TANC2: variants seen among roughly 807,000 people sequenced by gnomAD.
The protein encoded by TANC2 is tetratricopeptide repeat, ankyrin repeat and coiled-coil containing 2, also known as protein TANC2.
TANC2 carries 26 observed loss-of-function variants against 210.5 expected under a neutral mutation model. That is an observed-to-expected ratio of 0.12 (90% CI 0.09 to 0.17). The LOEUF (loss-of-function observed/expected upper bound fraction) is 0.17, where lower values mean the gene tolerates loss of function less well. TANC2 is among the 10% of genes least tolerant of loss of function. The pLI is 1.00. For missense variants in TANC2, 2,129 were observed against 2,608.9 expected, an observed-to-expected ratio of 0.82 and a Z score of 4.01; for synonymous variants, 931 against 967.1, an observed-to-expected ratio of 0.96 and a Z score of 0.69.
chr17:63,350,851 ATTCTC>A (rs778225884), intron 12 of TANC2, among the ~76,000 whole-genome samples: 16 of 143,548 alleles, frequency 1.1e-4, no homozygotes, highest in Non-Finnish European at 2.1e-4. Context: ...ATATGATACT[ATTCTC>A]TTTAATGCTG....
chr17:63,081,943 A>G (rs892596611), intron 3 of TANC2, among the ~76,000 whole-genome samples: 3 of 152,140 alleles, frequency 2.0e-5, no homozygotes, highest in African/African-American at 7.2e-5. Context: ...AGGCGGGTGG[A>G]TCACGAGATC....
At chr17:63,204,982 G>A (rs1234689496) in intron 7 of TANC2, among the ~76,000 whole-genome samples, 1 of 152,120 alleles carries the variant, frequency 6.6e-6, no homozygotes, top group Non-Finnish European at 1.5e-5. Context: ...CTACTGGGGA[G>A]GCTGAGGCAG....
chr17:63,379,957 C>A (rs2047552178), intron 15 of TANC2, 131 bp downstream of exon 15: 2 of 672,966 alleles, frequency 3.0e-6, no homozygotes, highest in East Asian at 2.8e-5. Context: ...CATCTCCCAA[C>A]ACGTATGGCC....
intron 8 of TANC2, among the ~76,000 whole-genome samples, chr17:63,243,411 TA>T (rs2042830142): frequency 6.6e-6 from 1 of 152,150 alleles, no homozygotes; most frequent in Non-Finnish European, 1.5e-5. Context: ...ACAGATAAAA[TA>T]AAGTTTTATC....
chr17:63,173,974 C>T (rs2040495142), intron 5 of TANC2, among the ~76,000 whole-genome samples: 1 of 152,158 alleles, frequency 6.6e-6, no homozygotes, highest in Non-Finnish European at 1.5e-5. Context: ...TCTACAAGTT[C>T]TTTCTTTTAC....
chr17:63,363,681 T>A (rs2047028893), intron 14 of TANC2, among the ~76,000 whole-genome samples: 1 of 152,222 alleles, frequency 6.6e-6, no homozygotes, highest in Admixed American at 6.5e-5. Context: ...GATGTATGAA[T>A]TTATTTCTAG....
chr17:63,284,913 T>C (rs1181966742), intron 9 of TANC2, among the ~76,000 whole-genome samples: 2 of 152,134 alleles, frequency 1.3e-5, no homozygotes, highest in African/African-American at 4.8e-5. Context: ...AGCTTTGTTA[T>C]TAGAGCGTGT....
exon 26 of TANC2, chr17:63,415,638 C>T: frequency 6.2e-7 from 1 of 1,613,850 alleles, no homozygotes; most frequent in South Asian, 1.1e-5. Flanking sequence ...AGGTGTCTCT[C>T]CTCCTCAACC....
intron 4 of TANC2, among the ~76,000 whole-genome samples, chr17:63,120,158 A>G (rs933261595): frequency 4.6e-5 from 7 of 151,948 alleles, no homozygotes; most frequent in African/African-American, 1.4e-4. Context: ...TCTTGACCAT[A>G]TCCTTTGGTA....
intron 2 of TANC2, among the ~76,000 whole-genome samples, chr17:63,065,253 A>G (rs1467252419): frequency 6.6e-6 from 1 of 152,256 alleles, no homozygotes; most frequent in Non-Finnish European, 1.5e-5. Flanking sequence ...GAATAGTATT[A>G]CATTGTGTAT....
chr17:63,072,937 C>T (rs1022136431), intron 2 of TANC2, among the ~76,000 whole-genome samples: 3 of 152,036 alleles, frequency 2.0e-5, no homozygotes, highest in Admixed American at 6.6e-5. Flanking sequence ...TGTTACTACA[C>T]GAGCTCTATT....
chr17:63,015,495 G>GTTC (rs2034067285), intron 2 of TANC2, among the ~76,000 whole-genome samples: 1 of 151,862 alleles, frequency 6.6e-6, no homozygotes, highest in Non-Finnish European at 1.5e-5. Context: ...AGGCCCCAGT[G>GTTC]TGTGATGTTC....
At chr17:63,347,832 T>G (rs901996269) in intron 12 of TANC2, among the ~76,000 whole-genome samples, 1 of 152,210 alleles carries the variant, frequency 6.6e-6, no homozygotes. Context: ...TGGAGTACAG[T>G]GGCAAGATCA....
intron 15 of TANC2, chr17:63,381,537 G>A (rs1348849807): frequency 6.6e-6 from 1 of 152,200 alleles, no homozygotes; most frequent in Non-Finnish European, 1.5e-5. Flanking sequence ...GTTAGAAATA[G>A]TTCCACTTGA....
Position 63,418,381 on chromosome 17 carries a change from G to A in TANC2, c.4242G>A (p.Ala1414=), listed in dbSNP as rs766904491. The change falls in exon 27 of 28, where the codon GCG becomes GCA. Residue 1414 remains alanine (A), a synonymous_variant. Transcript: ENST00000689528. This position sits in a 1 kb window ranked among gnomAD's most constrained non-coding sequence, Gnocchi z 4.6. ...CGAAATCTTATGAAGCTTACTATGC[G>A]AGAGCAAGGGCAAAACGCAGCAGCA... 2.5e-5 allele frequency: 41 copies of A among 1,612,636 alleles called. No individual in the cohort carries two copies. The highest frequency in any genetic ancestry group is 2.2e-4 in the South Asian group (20 of 90,476).
intron 4 of TANC2, among the ~76,000 whole-genome samples, chr17:63,127,411 A>G (rs1374571439): frequency 3.9e-5 from 6 of 152,188 alleles, no homozygotes; most frequent in Non-Finnish European, 7.3e-5. Context: ...TTTTGAAAAG[A>G]CATTTCTTAT....
exon 28 of TANC2, chr17:63,425,747 C>G (rs1160059586): frequency 3.3e-5 from 5 of 152,224 alleles, no homozygotes; most frequent in Admixed American, 1.3e-4. Flanking sequence ...GCAAGACGAA[C>G]TCTTTGAACA....
intron 2 of TANC2, among the ~76,000 whole-genome samples, chr17:63,052,579 T>C (rs1248356472): frequency 1.3e-5 from 2 of 152,222 alleles, no homozygotes; most frequent in Non-Finnish European, 1.5e-5. Context: ...TAGCTTGATA[T>C]AAGGGGTTAG....
At chr17:63,228,893 C>T (rs373675718) in intron 7 of TANC2, among the ~76,000 whole-genome samples, 35 of 152,308 alleles carry the variant, frequency 2.3e-4, no homozygotes, top group African/African-American at 8.4e-4. Context: ...GTTTGACTTC[C>T]TCTCTTCCTA....
Sources: allele counts gnomAD v4.1 joint callset (sites outside exome capture counted in the v4.1 genomes callset), GRCh38; gene constraint gnomAD v4.1.1; non-coding constraint Gnocchi (gnomAD v3.1); transcripts MANE v1.5; gene names NCBI Gene and HGNC (gene_info 2026-07-23, HGNC 2026-07-21).